The following MPRIP variants were observed in gnomAD, a reference collection of about 807,000 sequenced individuals.
MPRIP encodes myosin phosphatase Rho interacting protein, also known as myosin phosphatase Rho-interacting protein.
In MPRIP, 59 loss-of-function variants were observed where a neutral mutation model predicts 234.9. The ratio of observed to expected loss-of-function variants is 0.25; its 90% CI spans 0.20 to 0.31. MPRIP has a LOEUF of 0.31. MPRIP is among the 10% of genes least tolerant of loss of function. The pLI is 1.00. For missense variants in MPRIP, 2,436 were observed against 3,071.0 expected (o/e 0.79, Z 4.89); for synonymous variants, 1,144 against 1,263.9 (o/e 0.91, Z 2.01).
chr17:17,049,654 C>T (rs1193214190), intron 1 of MPRIP, among the ~76,000 whole-genome samples: 1 of 152,200 alleles, frequency 6.6e-6, no homozygotes, highest in Non-Finnish European at 1.5e-5. Context: ...GCCTTTTACT[C>T]AAAAGAAATC....
chr17:17,095,429 G>A (rs926884210), intron 3 of MPRIP, among the ~76,000 whole-genome samples: 4 of 152,136 alleles, frequency 2.6e-5, no homozygotes, highest in South Asian at 2.1e-4. Context: ...GAGCCCTCTC[G>A]TCTCCATTAC....
At chr17:17,128,082 G>A (rs975772221) in intron 4 of MPRIP, among the ~76,000 whole-genome samples, 1 of 152,188 alleles carries the variant, frequency 6.6e-6, no homozygotes, top group Non-Finnish European at 1.5e-5. Context: ...AACCCTCGTG[G>A]TACAGTCGAG....
chr17:17,169,015 G>A lies in MPRIP; in HGVS notation c.6324+1100G>A, dbSNP rs545564748. The A allele has an allele frequency of 1.0e-3, 474 of 456,798 alleles. 9 individuals are homozygous for A. Among genetic ancestry groups the A allele is most frequent in the South Asian group, 7.2e-3 (462 of 64,550 alleles). The allele number at this position is 456,798 out of a possible 1,614,324, so 28.3% of individuals were successfully genotyped here. ...CATGTCACCTCTGTGTGACGGACTC[G>A]GCCCCACCCAGACACACAGGTGTGG... is the stretch of plus-strand genomic sequence containing the variant. On this transcript the variant is annotated intron_variant, in intron 16 of 23. Transcript: ENST00000651222.
At chr17:17,168,573 G>A (rs150529966) in intron 16 of MPRIP, 155 of 342,768 alleles carry the variant, frequency 4.5e-4, no homozygotes, top group African/African-American at 3.1e-3. Flanking sequence ...AGGTCCTGGA[G>A]CACAAAGGCG....
chr17:17,056,588 T>C (rs1019438895), intron 1 of MPRIP, among the ~76,000 whole-genome samples: 2 of 150,408 alleles, frequency 1.3e-5, no homozygotes, highest in African/African-American at 4.9e-5. Flanking sequence ...TGGGGTGAAC[T>C]GTGTGTGTGG....
rs535925571 is a variant in MPRIP, at chr17:17,165,101, G to A, written c.3510G>A (p.Leu1170=). The change falls in exon 16 of 24, where the codon CTG becomes CTA. Residue 1170 remains leucine, a synonymous_variant. Transcript: ENST00000651222. ...TGCTGAGAGAGAAGGAGGAAGAGCT[G>A]GAGCGCATTAAGGAAGCACATGAGA... The part of the protein sequence containing the change: ...HTLLREKEEE[L]ERIKEAHEKV... 7.2e-4 allele frequency: 941 copies of A among 1,304,026 alleles called. 9 individuals carry two copies. The South Asian group carries it at 9.2e-3, about 13-fold the overall frequency. The allele number at this position is 1,304,026 out of a possible 1,614,324, so 80.8% of individuals were successfully genotyped here. A position where few individuals can be genotyped will look rare whatever the true frequency, so the allele number is the denominator to read the frequency against.
rs549310005 is a variant in MPRIP, at chr17:17,052,470, C to T, written c.123+9499C>T. Among the ~76,000 whole-genome samples the T allele has an allele frequency of 4.6e-5, 7 of 152,286 alleles. No homozygotes were observed. The East Asian group carries it at 1.2e-3, about 25-fold the overall frequency. ...CAGGTGAGGGATTGTCTTCAATTAGCAGATGGAGCCGCCGAGACCTGGAGA... is the reference window on the plus strand; with the variant it reads ...CAGGTGAGGGATTGTCTTCAATTAGTAGATGGAGCCGCCGAGACCTGGAGA... On this transcript the variant is annotated intron_variant, in intron 1 of 23. Transcript: ENST00000651222.
chr17:17,114,639 G>A (rs867329336), intron 3 of MPRIP, among the ~76,000 whole-genome samples: 3 of 152,184 alleles, frequency 2.0e-5, no homozygotes, highest in Non-Finnish European at 4.4e-5. Context: ...CCATTGTGGT[G>A]GGTGAGGGGG....
At chr17:17,151,979 G>C (rs1427261405) in intron 12 of MPRIP, among the ~76,000 whole-genome samples, 1 of 152,244 alleles carries the variant, frequency 6.6e-6, no homozygotes, top group Non-Finnish European at 1.5e-5. Context: ...TTGCTGTGTT[G>C]AGAGTTGATC....
intron 22 of MPRIP, among the ~76,000 whole-genome samples, chr17:17,177,858 G>C (rs533288999): frequency 6.6e-6 from 1 of 151,206 alleles, no homozygotes; most frequent in African/African-American, 2.4e-5. Context: ...TAGGTACCCT[G>C]TAAAAAATAG....
rs1416226787 is a variant in MPRIP, at chr17:17,165,032, C to T, written c.3441C>T (p.His1147=). 1 of 1,301,946 alleles carries T rather than the reference C, an allele frequency of 7.7e-7. No homozygotes were observed. The highest frequency in any genetic ancestry group is 2.3e-5 in the Admixed American group (1 of 43,570). 80.6% of individuals were successfully genotyped at this position (1,301,946 alleles called of 1,614,324 possible). Residue 1147 remains histidine, a synonymous_variant, in exon 16 of 24, where the codon CAC becomes CAT. Coordinates refer to ENST00000651222, the MANE Select transcript of MPRIP (RefSeq NM_001364716.4). Reference sequence around the variant, plus strand: ...AGGCTGACAACCAGAGCCTGGAGCACTCCTACCAGAGGGTCTCCAGCCAGC... The same window carrying T: ...AGGCTGACAACCAGAGCCTGGAGCATTCCTACCAGAGGGTCTCCAGCCAGC... ...RREADNQSLE[H]SYQRVSSQLQ... is the part of the protein sequence containing the mutation.
intron 3 of MPRIP, among the ~76,000 whole-genome samples, chr17:17,123,907 T>G (rs1341549083): frequency 6.6e-6 from 1 of 152,068 alleles, no homozygotes; most frequent in Non-Finnish European, 1.5e-5. Context: ...TAGGGTTAGG[T>G]GATGCCCGCC....
At position 17,161,367 on chromosome 17, in the gene MPRIP, G is replaced by T; in HGVS notation, c.2517+11G>T. ...GGCTACGTGCTGCAGGTAGGGTGGA[G>T]GGGCTGCTGTGGCCCATGGTGCGCT... On this transcript the variant is annotated intron_variant, in intron 15 of 23. Coordinates refer to ENST00000651222, the MANE Select transcript of MPRIP (RefSeq NM_001364716.4). 2 of 1,553,472 alleles carry T rather than the reference G, an allele frequency of 1.3e-6. No homozygotes were observed. The highest frequency in any genetic ancestry group is 2.3e-5 in the East Asian group (1 of 43,178).
At chr17:17,180,200 C>A in intron 23 of MPRIP, 112 bp downstream of exon 23, 2 of 940,752 alleles carry the variant, frequency 2.1e-6, no homozygotes, top group Non-Finnish European at 3.2e-6. Context: ...AGCCCCAGGG[C>A]CCAGCACTGA....
chr17:17,091,983 T>C (rs1182544653), intron 3 of MPRIP, among the ~76,000 whole-genome samples: 1 of 152,192 alleles, frequency 6.6e-6, no homozygotes, highest in Non-Finnish European at 1.5e-5. Context: ...CTTGTGCTCT[T>C]TTTGGGTGAT....
chr17:17,182,860 C>T, intron 23 of MPRIP: 1 of 152,494 alleles, frequency 6.6e-6, no homozygotes, highest in Non-Finnish European at 1.5e-5. Flanking sequence ...CAAGCAGGAA[C>T]CGGGATGTCA....
Position 17,165,098 on chromosome 17 carries a change from G to A in MPRIP, c.3507G>A (p.Glu1169=), listed in dbSNP as rs1034539765. Residue 1169 remains glutamate (E), a synonymous_variant, in exon 16 of 24, where the codon GAG becomes GAA. Transcript: ENST00000651222. ...CTCTGCTGAGAGAGAAGGAGGAAGA[G>A]CTGGAGCGCATTAAGGAAGCACATG... is the stretch of plus-strand genomic sequence containing the variant. ...MHTLLREKEE[E]LERIKEAHEK... 7.7e-7 allele frequency: 1 copy of A among 1,303,892 alleles called. No homozygotes were observed. The highest frequency in any genetic ancestry group is 1.5e-5 in the African/African-American group (1 of 65,886). 80.8% of individuals were successfully genotyped at this position (1,303,892 alleles called of 1,614,324 possible). A position where few individuals can be genotyped will look rare whatever the true frequency, so the allele number is the denominator to read the frequency against.
chr17:17,175,770 A>C (rs539747722), intron 20 of MPRIP, among the ~76,000 whole-genome samples: 65 of 152,340 alleles, frequency 4.3e-4, no homozygotes, highest in African/African-American at 1.5e-3. Context: ...TTATGTTAGA[A>C]TGATGGATTC....
chr17:17,112,092 G>T (rs1567722368), intron 3 of MPRIP, among the ~76,000 whole-genome samples: 1 of 152,278 alleles, frequency 6.6e-6, no homozygotes, highest in East Asian at 1.9e-4. Flanking sequence ...TGGGCATGCT[G>T]CTGCGCTTTT....
Sources: allele counts gnomAD v4.1 joint callset (sites outside exome capture counted in the v4.1 genomes callset), GRCh38; gene constraint gnomAD v4.1.1; transcripts MANE v1.5; gene names NCBI Gene and HGNC (gene_info 2026-07-23, HGNC 2026-07-21).